C1QTNF9: variants seen among roughly 807,000 people sequenced by gnomAD.
C1QTNF9 encodes the protein C1q and TNF related 9, also known as complement C1q and tumor necrosis factor-related protein 9A.
In C1QTNF9, 6 loss-of-function variants were observed where a neutral mutation model predicts 10.1. The ratio of observed to expected loss-of-function variants is 0.59; its 90% CI spans 0.32 to 1.17. The LOEUF is 1.17. Among genes scored for constraint, C1QTNF9 ranks in the 50% most tolerant of loss-of-function variants. The pLI, the probability that C1QTNF9 is intolerant of heterozygous loss-of-function variation, is 0.04. For missense variants in C1QTNF9, 201 were observed against 418.8 expected (o/e 0.48, Z 4.54); for synonymous variants, 98 against 163.5 (o/e 0.60, Z 3.06).
chr13:24,318,870 G>A, exon 3 of C1QTNF9: 1 of 1,614,216 alleles, frequency 6.2e-7, no homozygotes, highest in Non-Finnish European at 8.5e-7. Flanking sequence ...GTGGAGAGAA[G>A]GGAGAACGAG....
chr13:24,319,925 C>A (rs142543180), intron 3 of C1QTNF9, among the ~76,000 whole-genome samples: 210 of 152,312 alleles, frequency 1.4e-3, no homozygotes, highest in African/African-American at 4.5e-3. Flanking sequence ...GCTCATCTGA[C>A]GTCCTGTGTG....
At chr13:24,311,348 G>C (rs1348796204) in intron 1 of C1QTNF9, among the ~76,000 whole-genome samples, 1 of 152,186 alleles carries the variant, frequency 6.6e-6, no homozygotes, top group Non-Finnish European at 1.5e-5. Flanking sequence ...CACTATTTTG[G>C]GGGGACTAAA....
chr13:24,309,296 T>TATATGAAAGTATTATTC (rs1877725051), upstream of C1QTNF9, among the ~76,000 whole-genome samples: 1 of 64,790 alleles, frequency 1.5e-5, no homozygotes, highest in South Asian at 5.3e-4. Context: ...TATATATATA[T>TATATGAAAGTATTATTC]ATATATATAT....
At chr13:24,307,531 T>G (rs74040672), upstream of C1QTNF9, among the ~76,000 whole-genome samples, 258 of 152,402 alleles carry the variant, frequency 1.7e-3, no homozygotes, top group African/African-American at 5.8e-3. Flanking sequence ...TTGCTGTGGC[T>G]GTAATCAGAA....
upstream of C1QTNF9, among the ~76,000 whole-genome samples, chr13:24,308,670 C>A (rs1336406379): frequency 6.6e-6 from 1 of 151,888 alleles, no homozygotes; most frequent in Non-Finnish European, 1.5e-5. Flanking sequence ...TGGGCTCCTG[C>A]TCTGTGCGTG....
At position 24,316,068 on chromosome 13, in the gene C1QTNF9, C is replaced by T. The variant is rs1487669623; in HGVS notation, c.65C>T (p.Thr22Ile). 6 of 1,613,634 alleles carry T rather than the reference C, an allele frequency of 3.7e-6. No individual in the cohort carries two copies. The South Asian group carries it at 6.6e-5, about 18-fold the overall frequency. Residue 22 changes from threonine to isoleucine, a missense_variant, in exon 2 of 4, where the codon ACC becomes ATC. This residue lies in a region of C1QTNF9 where 53 missense variants were observed against 81.6 expected (regional missense o/e 0.65). Transcript: ENST00000332018. ...ACAGGGAACATAAACTCACAGGACA[C>T]CTGCAGGCAAGGGCACCCTGGAATC... is the stretch of plus-strand genomic sequence containing the variant.
intron 1 of C1QTNF9, among the ~76,000 whole-genome samples, chr13:24,311,529 G>A (rs1366934076): frequency 6.6e-6 from 1 of 152,166 alleles, no homozygotes; most frequent in Non-Finnish European, 1.5e-5. Context: ...GGCAGTGACT[G>A]TTGTCGCTTT....
chr13:24,320,283 G>A (rs1565957633), intron 3 of C1QTNF9, among the ~76,000 whole-genome samples: 1 of 152,310 alleles, frequency 6.6e-6, no homozygotes, highest in African/African-American at 2.4e-5. Context: ...AATTTCTAAC[G>A]TGAGCCCTGA....
At chr13:24,317,287 T>TGTGTGTGTGTG (rs56654126) in intron 2 of C1QTNF9, among the ~76,000 whole-genome samples, 17 of 144,118 alleles carry the variant, frequency 1.2e-4, no homozygotes, top group African/African-American at 4.1e-4. Flanking sequence ...GTGTGTGTAT[T>TGTGTGTGTGTG]GTATTTCTGA....
chr13:24,320,495 C>T (rs1878211189), intron 3 of C1QTNF9, among the ~76,000 whole-genome samples: 1 of 152,156 alleles, frequency 6.6e-6, no homozygotes, highest in Non-Finnish European at 1.5e-5. Flanking sequence ...AGCCATCCTC[C>T]CACCTCAGCC....
At chr13:24,308,823 C>T (rs1390456226), upstream of C1QTNF9, among the ~76,000 whole-genome samples, 1 of 152,206 alleles carries the variant, frequency 6.6e-6, no homozygotes, top group African/African-American at 2.4e-5. Context: ...GGGCTGGGCT[C>T]CTCTGTCCTC....
At chr13:24,316,075 G>T (rs1370961466) in exon 2 of C1QTNF9, 2 of 1,613,640 alleles carry the variant, frequency 1.2e-6, no homozygotes, top group Non-Finnish European at 8.5e-7. Flanking sequence ...ACACCTGCAG[G>T]CAAGGGCACC....
At chr13:24,310,969 G>A (rs1258844903) in intron 1 of C1QTNF9, among the ~76,000 whole-genome samples, 2 of 149,812 alleles carry the variant, frequency 1.3e-5, no homozygotes, top group African/African-American at 4.9e-5. Context: ...GTGTAATATA[G>A]AGAGTGCATG....
At chr13:24,321,789 C>T (rs1815681) in exon 4 of C1QTNF9, 463 of 1,530,542 alleles carry the variant, frequency 3.0e-4, no homozygotes, top group Non-Finnish European at 3.8e-4. Flanking sequence ...TTTAAAAATC[C>T]GCCACACCAT....
chr13:24,318,951 T>G (rs1878148209), intron 3 of C1QTNF9, 71 bp downstream of exon 3: 33 of 1,574,924 alleles, frequency 2.1e-5, no homozygotes, highest in Non-Finnish European at 2.6e-5. Context: ...CATGGACAAG[T>G]CCTCCATGCT....
intron 1 of C1QTNF9, among the ~76,000 whole-genome samples, chr13:24,313,211 T>C (rs541277147): frequency 6.6e-6 from 1 of 152,330 alleles, no homozygotes; most frequent in South Asian, 2.1e-4. Flanking sequence ...TTGCTGAAGG[T>C]TGTCTACATG....
At chr13:24,319,511 C>G (rs1248235654) in intron 3 of C1QTNF9, among the ~76,000 whole-genome samples, 1 of 152,134 alleles carries the variant, frequency 6.6e-6, no homozygotes, top group Non-Finnish European at 1.5e-5. Context: ...TGCACTCCAG[C>G]CTGGGTAACA....
chr13:24,310,521 CT>C lies in C1QTNF9; in HGVS notation c.-23+913del, dbSNP rs200205461. On this transcript the variant is annotated intron_variant, in intron 1 of 3. Transcript: ENST00000332018. ...TATTTTGCACAAATTTTAATGTGTA[CT>C]TTTTTTTCCTGATCAGGTTCATCAT... 3.7e-3 allele frequency among the ~76,000 whole-genome samples: 568 copies of C among 151,916 alleles called. 4 individuals are homozygous for C. Among genetic ancestry groups the C allele is most frequent in the African/African-American group, 0.013 (528 of 41,456 alleles).
exon 4 of C1QTNF9, chr13:24,321,671 G>T: frequency 6.2e-7 from 1 of 1,614,116 alleles, no homozygotes; most frequent in Non-Finnish European, 8.5e-7. Flanking sequence ...GATGAGGTGT[G>T]GCTGCAGGTG....
Sources: allele counts gnomAD v4.1 joint callset (sites outside exome capture counted in the v4.1 genomes callset), GRCh38; gene constraint gnomAD v4.1.1; regional missense constraint gnomAD v4.1.1; transcripts MANE v1.5; gene names NCBI Gene and HGNC (gene_info 2026-07-23, HGNC 2026-07-21).